The following DPP10 variants were observed in gnomAD, a reference collection of about 807,000 sequenced individuals.
DPP10 encodes dipeptidyl peptidase like 10.
A neutral mutation model predicts 120.9 loss-of-function variants in DPP10; 33 were observed. The observed-to-expected ratio is 0.27, with a 90% CI of 0.21 to 0.37. DPP10 has a LOEUF of 0.37. DPP10 is among the 10% of genes least tolerant of loss of function. The pLI is 1.00. For missense variants in DPP10, 816 were observed against 942.8 expected, an observed-to-expected ratio of 0.87 and a Z score of 1.76; for synonymous variants, 337 against 326.1, an observed-to-expected ratio of 1.03 and a Z score of -0.36.
chr2:115,784,611 G>A (rs1007816773), intron 17 of DPP10, among the ~76,000 whole-genome samples: 3 of 152,034 alleles, frequency 2.0e-5, no homozygotes, highest in East Asian at 1.9e-4. Context: ...TCAGCTCACC[G>A]CAACCTCCAC....
At position 114,914,720 on chromosome 2, in the gene DPP10, T is replaced by C. The variant is rs559383313; in HGVS notation, c.61-394519T>C. On this transcript the variant is annotated intron_variant, in intron 1 of 25. Transcript: ENST00000410059. ...TATCAACATTAACCTTAAACCCAAA[T>C]GGGCTAACTGCTCCACTTAAAGGGC... Among the ~76,000 whole-genome samples the C allele has an allele frequency of 3.9e-5, 6 of 152,240 alleles. No individual in the cohort carries two copies. The East Asian group carries it at 1.2e-3, about 29-fold the overall frequency.
chr2:115,471,159 A>G (rs2074689882), intron 3 of DPP10, among the ~76,000 whole-genome samples: 2 of 152,226 alleles, frequency 1.3e-5, no homozygotes, highest in East Asian at 3.9e-4. Flanking sequence ...AAATTCATTA[A>G]GCATATACAC....
intron 1 of DPP10, among the ~76,000 whole-genome samples, chr2:114,866,259 C>T (rs561183188): frequency 6.6e-6 from 1 of 151,662 alleles, no homozygotes; most frequent in South Asian, 2.1e-4. Context: ...CATATGGTAG[C>T]TAATAAGAAA....
At chr2:115,465,496 A>G (rs2074268008) in intron 3 of DPP10, among the ~76,000 whole-genome samples, 1 of 152,152 alleles carries the variant, frequency 6.6e-6, no homozygotes, top group African/African-American at 2.4e-5. Context: ...AAAATTAAGG[A>G]TTAAGATTTG....
At chr2:115,771,274 G>A (rs917291120) in intron 13 of DPP10, among the ~76,000 whole-genome samples, 1 of 151,658 alleles carries the variant, frequency 6.6e-6, no homozygotes, top group Non-Finnish European at 1.5e-5. Flanking sequence ...GGGTTTCACC[G>A]TGTTGCCCAG....
intron 1 of DPP10, among the ~76,000 whole-genome samples, chr2:114,999,397 T>C (rs915302185): frequency 4.6e-5 from 7 of 152,198 alleles, no homozygotes; most frequent in African/African-American, 1.7e-4. Flanking sequence ...ATTTTAAGAC[T>C]AAAATGGGAT....
chr2:115,826,863 A>G (rs1297715810), intron 21 of DPP10, among the ~76,000 whole-genome samples: 1 of 152,076 alleles, frequency 6.6e-6, no homozygotes, highest in African/African-American at 2.4e-5. Context: ...ACGTATTTAT[A>G]TTTAAAGTAT....
At chr2:114,979,278 A>T (rs1219966988) in intron 1 of DPP10, among the ~76,000 whole-genome samples, 1 of 152,026 alleles carries the variant, frequency 6.6e-6, no homozygotes, top group Admixed American at 6.5e-5. Context: ...TTTTAAAAAA[A>T]TTTAATTAAA....
chr2:114,740,496 TTAAAG>T (rs1298126738), intron 1 of DPP10, among the ~76,000 whole-genome samples: 11 of 141,500 alleles, frequency 7.8e-5, no homozygotes, highest in Non-Finnish European at 1.7e-4. Context: ...ACCCTAAAAC[TTAAAG>T]TAATAATAAA....
chr2:114,598,372 G>T (rs963969837), intron 1 of DPP10, among the ~76,000 whole-genome samples: 26 of 151,970 alleles, frequency 1.7e-4, no homozygotes, highest in African/African-American at 6.3e-4. Flanking sequence ...TGGGAAAGAG[G>T]ATGGAGAGAG....
chr2:115,344,037 A>G (rs1380634553), intron 3 of DPP10, 125 bp downstream of exon 3: 3 of 595,062 alleles, frequency 5.0e-6, no homozygotes, highest in Admixed American at 4.3e-5. Flanking sequence ...TTGGGAGGCC[A>G]AGGCAGGAGA....
intron 1 of DPP10, among the ~76,000 whole-genome samples, chr2:114,585,836 T>C (rs1690935002): frequency 6.6e-6 from 1 of 152,174 alleles, no homozygotes; most frequent in Non-Finnish European, 1.5e-5. Flanking sequence ...GTGGGAGCAA[T>C]TTCAGGTTGG....
At chr2:114,771,521 C>T (rs184792733) in intron 1 of DPP10, among the ~76,000 whole-genome samples, 142 of 152,290 alleles carry the variant, frequency 9.3e-4, no homozygotes, top group East Asian at 4.1e-3. Context: ...CATGTGGTTG[C>T]GTCTTCAAAG....
intron 1 of DPP10, among the ~76,000 whole-genome samples, chr2:114,544,371 T>TG (rs906152016): frequency 1.3e-5 from 2 of 152,178 alleles, no homozygotes; most frequent in African/African-American, 4.8e-5. Context: ...TATGAGTCAT[T>TG]GGGGGAACAC....
intron 1 of DPP10, among the ~76,000 whole-genome samples, chr2:114,737,519 C>A (rs1178281165): frequency 2.0e-5 from 3 of 152,178 alleles, no homozygotes; most frequent in African/African-American, 7.2e-5. Context: ...AAAGGGAATT[C>A]TGTACAACTT....
intron 1 of DPP10, among the ~76,000 whole-genome samples, chr2:114,924,773 A>G (rs941892187): frequency 1.3e-5 from 2 of 152,136 alleles, no homozygotes; most frequent in African/African-American, 2.4e-5. Context: ...ACAACACAAA[A>G]CACAGCAAAA....
intron 1 of DPP10, among the ~76,000 whole-genome samples, chr2:114,800,964 G>A (rs144884960): frequency 2.8e-4 from 43 of 151,620 alleles, no homozygotes; most frequent in African/African-American, 8.0e-4. Flanking sequence ...ACATCTTTAC[G>A]AAAGGTACAG....
At chr2:115,274,937 C>G (rs1374154232) in intron 1 of DPP10, among the ~76,000 whole-genome samples, 1 of 152,096 alleles carries the variant, frequency 6.6e-6, no homozygotes, top group Non-Finnish European at 1.5e-5. Flanking sequence ...GTGTTCAGCA[C>G]CTCGCACAGG....
At chr2:115,017,977 A>G (rs1702782342) in intron 1 of DPP10, among the ~76,000 whole-genome samples, 1 of 151,990 alleles carries the variant, frequency 6.6e-6, no homozygotes, top group Non-Finnish European at 1.5e-5. Flanking sequence ...CGTTGCGCAC[A>G]TGTACGCTAG....
Sources: gnomAD v4.1 joint callset for allele counts (sites outside exome capture counted in the v4.1 genomes callset) on GRCh38, gnomAD v4.1.1 for gene constraint, MANE v1.5 for transcripts, NCBI Gene and HGNC (gene_info 2026-07-23, HGNC 2026-07-21) for gene names.